Variants in ARHGEF10L observed in about 807,000 individuals in gnomAD.
The protein encoded by ARHGEF10L is Rho guanine nucleotide exchange factor 10 like, also known as rho guanine nucleotide exchange factor 10-like protein.
Under a neutral mutation model 141.2 loss-of-function variants are expected in ARHGEF10L, and 69 were observed. The ratio of observed to expected loss-of-function variants is 0.49; its 90% CI spans 0.40 to 0.60. The LOEUF (loss-of-function observed/expected upper bound fraction) is 0.60. Ranked by LOEUF, ARHGEF10L falls within the 20% of genes least tolerant of loss-of-function variation. ARHGEF10L has a pLI of 0.00. For missense variants in ARHGEF10L, 1,482 were observed against 1,734.3 expected, an observed-to-expected ratio of 0.85 and a Z score of 2.58; for synonymous variants, 711 against 718.5, an observed-to-expected ratio of 0.99 and a Z score of 0.17.
At chr1:17,542,297 A>G (rs1339170587) in intron 1 of ARHGEF10L, among the ~76,000 whole-genome samples, 1 of 151,936 alleles carries the variant, frequency 6.6e-6, no homozygotes, top group African/African-American at 2.4e-5. Flanking sequence ...AAAATTTTAA[A>G]AATTAGTTGG....
intron 26 of ARHGEF10L, among the ~76,000 whole-genome samples, chr1:17,669,947 G>A (rs2063212154): frequency 6.6e-6 from 1 of 152,270 alleles, no homozygotes; most frequent in Admixed American, 6.5e-5. Context: ...GAGGAGGCGA[G>A]AGGGGTGCCA....
chr1:17,683,076 C>T (rs1034695327), intron 26 of ARHGEF10L, among the ~76,000 whole-genome samples: 2 of 152,040 alleles, frequency 1.3e-5, no homozygotes, highest in Admixed American at 6.5e-5. Context: ...GGGCTTCCCC[C>T]CTGCTCTCAC....
At chr1:17,543,726 C>A (rs908510755) in intron 1 of ARHGEF10L, among the ~76,000 whole-genome samples, 1 of 151,986 alleles carries the variant, frequency 6.6e-6, no homozygotes, top group Non-Finnish European at 1.5e-5. Context: ...TAGCTCACTG[C>A]AACCACCGCC....
At chr1:17,696,253 C>T (rs1318394522) in intron 28 of ARHGEF10L, among the ~76,000 whole-genome samples, 1 of 148,972 alleles carries the variant, frequency 6.7e-6, no homozygotes, top group African/African-American at 2.5e-5. Context: ...CTGAGATTTT[C>T]TATTTTCAAG....
chr1:17,589,073 A>T (rs1456617703), intron 4 of ARHGEF10L, among the ~76,000 whole-genome samples: 3 of 151,886 alleles, frequency 2.0e-5, no homozygotes, highest in Non-Finnish European at 4.4e-5. Flanking sequence ...AGTGGTTAGG[A>T]GCCTGGATGT....
chr1:17,581,558 A>T (rs1473558230), intron 2 of ARHGEF10L, among the ~76,000 whole-genome samples: 1 of 152,030 alleles, frequency 6.6e-6, no homozygotes. Flanking sequence ...AGAATTGCAG[A>T]TGGTAATGAG....
At chr1:17,588,587 C>G in intron 4 of ARHGEF10L, 108 bp downstream of exon 4, 4 of 1,399,764 alleles carry the variant, frequency 2.9e-6, no homozygotes, top group Non-Finnish European at 4.0e-6. Flanking sequence ...TGGTCTTTGG[C>G]TAAGGAGGAA....
chr1:17,665,143 C>T (rs2062891112), intron 26 of ARHGEF10L, among the ~76,000 whole-genome samples: 1 of 152,224 alleles, frequency 6.6e-6, no homozygotes. Context: ...ACCTTCACAC[C>T]TGCAGTCCAT....
rs780897976 is a variant in ARHGEF10L, at chr1:17,623,052, C to T, written c.1077C>T (p.Cys359=). The stretch of plus-strand genomic sequence containing the variant: ...CCAAGGCGCTGAGCGCCCGCAAGTG[C>T]CAGGTGGTGTTCTTCCGCGTGAAGG... ...MEPKALSARK[C]QVVFFRVKEI... is the part of the protein sequence containing the mutation. The change falls in exon 12 of 29, where the codon TGC becomes TGT. Residue 359 remains cysteine, a synonymous_variant. Transcript: ENST00000361221. This position sits in a 1 kb window ranked among gnomAD's most constrained non-coding sequence, Gnocchi z 4.7. 7.4e-5 allele frequency: 120 copies of T among 1,614,016 alleles called. No individual in the cohort carries two copies. The highest frequency in any genetic ancestry group is 9.5e-5 in the Non-Finnish European group (112 of 1,180,022).
chr1:17,550,448 G>A (rs757854614), intron 1 of ARHGEF10L, among the ~76,000 whole-genome samples: 22 of 152,094 alleles, frequency 1.4e-4, no homozygotes, highest in Non-Finnish European at 2.6e-4. Flanking sequence ...TTTGAGACCA[G>A]CCTGGGCAAC....
intron 26 of ARHGEF10L, among the ~76,000 whole-genome samples, chr1:17,672,291 T>C (rs1282463322): frequency 1.3e-5 from 2 of 151,220 alleles, no homozygotes; most frequent in Non-Finnish European, 1.5e-5. Context: ...ACGAGTGTGA[T>C]GCGGCATGAA....
intron 22 of ARHGEF10L, among the ~76,000 whole-genome samples, chr1:17,653,291 C>T (rs749561686): frequency 5.9e-5 from 9 of 152,222 alleles, no homozygotes; most frequent in Non-Finnish European, 8.8e-5. Context: ...CTCCCCTCCT[C>T]TCTTCTGCAT....
chr1:17,649,111 C>T (rs1276277529), intron 22 of ARHGEF10L, among the ~76,000 whole-genome samples: 1 of 152,188 alleles, frequency 6.6e-6, no homozygotes, highest in African/African-American at 2.4e-5. Flanking sequence ...CCTGCTGTGC[C>T]CCCTGGTTCT....
intron 26 of ARHGEF10L, among the ~76,000 whole-genome samples, chr1:17,686,334 C>G (rs1031198465): frequency 6.6e-6 from 1 of 151,996 alleles, no homozygotes; most frequent in East Asian, 1.9e-4. Context: ...ATTTTTTTGA[C>G]CAAATTTTAC....
In ARHGEF10L at chr1:17,619,010, C is replaced by T. The variant is rs765567598; in HGVS notation, c.836-329C>T. ...GCAGCTAGCCTTCGCCAGGCCAGAGCGGGCGGGCCTGAGCAGGGACAGTGG... is the reference window on the plus strand; with the variant it reads ...GCAGCTAGCCTTCGCCAGGCCAGAGTGGGCGGGCCTGAGCAGGGACAGTGG... On this transcript the variant is annotated intron_variant, in intron 9 of 28. Coordinates refer to ENST00000361221, the MANE Select transcript of ARHGEF10L (RefSeq NM_018125.4). This position sits in a 1 kb window ranked among gnomAD's most constrained non-coding sequence, Gnocchi z 5.0. Among the ~76,000 whole-genome samples, 9 of 152,224 alleles carry T rather than the reference C, an allele frequency of 5.9e-5. No individual in the cohort carries two copies. The highest frequency in any genetic ancestry group is 3.9e-4 in the East Asian group (2 of 5,192).
intron 26 of ARHGEF10L, among the ~76,000 whole-genome samples, chr1:17,680,593 G>A (rs1022142521): frequency 2.0e-5 from 3 of 152,032 alleles, no homozygotes; most frequent in Admixed American, 6.6e-5. Flanking sequence ...GTCACAGTGC[G>A]CCAATGCTCT....
chr1:17,565,909 G>C (rs1371955871), intron 1 of ARHGEF10L, among the ~76,000 whole-genome samples: 1 of 152,136 alleles, frequency 6.6e-6, no homozygotes, highest in Non-Finnish European at 1.5e-5. Flanking sequence ...GCTGGGCCAG[G>C]TGGTGCAGAT....
chr1:17,524,776 G>A, the ARHGEF10L span, among the ~76,000 whole-genome samples: 1 of 152,148 alleles, frequency 6.6e-6, no homozygotes, highest in Non-Finnish European at 1.5e-5. Flanking sequence ...TTGAGAGGCA[G>A]CTCCCCGGGG....
intron 22 of ARHGEF10L, among the ~76,000 whole-genome samples, chr1:17,650,732 C>CA (rs71575854): frequency 0.16 from 12,200 of 77,448 alleles, 874 homozygotes; most frequent in South Asian, 0.34. Context: ...GACCCTGTCT[C>CA]AAAAAAAAAA....
Sources: gnomAD v4.1 joint callset for allele counts (sites outside exome capture counted in the v4.1 genomes callset) on GRCh38, gnomAD v4.1.1 for gene constraint, Gnocchi (gnomAD v3.1) non-coding constraint, MANE v1.5 for transcripts, NCBI Gene and HGNC (gene_info 2026-07-23, HGNC 2026-07-21) for gene names.